ENKUR: variants seen among roughly 807,000 people sequenced by gnomAD.
ENKUR encodes the protein enkurin, TRPC channel interacting protein.
Under a neutral mutation model 27.6 loss-of-function variants are expected in ENKUR, and 19 were observed. The observed-to-expected ratio is 0.69, with a 90% confidence interval of 0.48 to 1.01. ENKUR has a LOEUF of 1.01. Among genes scored for constraint, ENKUR ranks in the 50% least tolerant of loss-of-function variants. The pLI, the probability that ENKUR is intolerant of heterozygous loss-of-function variation, is 0.00. For missense variants in ENKUR, 312 were observed against 310.5 expected (o/e 1.00, Z -0.04); for synonymous variants, 117 against 96.9 (o/e 1.21, Z -1.22).
At chr10:25,009,660 G>A (rs1850394627) in intron 1 of ENKUR, among the ~76,000 whole-genome samples, 1 of 152,248 alleles carries the variant, frequency 6.6e-6, no homozygotes, top group South Asian at 2.1e-4. Context: ...ATCTTGAATT[G>A]TAGCTCCCAT....
At chr10:25,030,604 T>C (rs1850923135) in intron 2 of ENKUR, among the ~76,000 whole-genome samples, 1 of 152,228 alleles carries the variant, frequency 6.6e-6, no homozygotes, top group Non-Finnish European at 1.5e-5. Flanking sequence ...GCAGTATTTA[T>C]TGGTACAAGT....
chr10:24,991,772 C>T (rs879354675), intron 3 of ENKUR, among the ~76,000 whole-genome samples: 1 of 152,218 alleles, frequency 6.6e-6, no homozygotes, highest in Admixed American at 6.5e-5. Flanking sequence ...CCTTTGGAAG[C>T]CCTCTGTCCT....
chr10:25,052,233 CA>C (rs1851194451), intron 2 of ENKUR, among the ~76,000 whole-genome samples: 1 of 152,002 alleles, frequency 6.6e-6, no homozygotes, highest in Non-Finnish European at 1.5e-5. Flanking sequence ...ACAAAGCAAA[CA>C]AAAATAAACC....
chr10:25,037,678 T>G (rs1851023099), intron 2 of ENKUR, among the ~76,000 whole-genome samples: 1 of 152,190 alleles, frequency 6.6e-6, no homozygotes, highest in African/African-American at 2.4e-5. Flanking sequence ...TCTTTCCTTT[T>G]GTCTTTCCTT....
intron 1 of ENKUR, among the ~76,000 whole-genome samples, chr10:25,012,618 TA>T (rs368736444): frequency 9.8e-5 from 15 of 152,380 alleles, no homozygotes; most frequent in African/African-American, 3.6e-4. Context: ...AAGGGGCCTA[TA>T]GCCCCTTTGT....
At chr10:24,990,747 TC>T in intron 3 of ENKUR, 138 bp from the exon 4 acceptor site, 1 of 858,588 alleles carries the variant, frequency 1.2e-6, no homozygotes, top group Non-Finnish European at 1.7e-6. Flanking sequence ...TTGACAAAAT[TC>T]AGTGACTTTT....
At chr10:24,984,416 G>A (rs1287793298) in intron 5 of ENKUR, 40 bp from the exon 6 acceptor site, 1 of 1,572,024 alleles carries the variant, frequency 6.4e-7, no homozygotes, top group African/African-American at 1.4e-5. Context: ...TCTGAGTGCT[G>A]ACTTTATTTT....
At chr10:25,020,084 A>G (rs1850686704), upstream of ENKUR, among the ~76,000 whole-genome samples, 1 of 152,194 alleles carries the variant, frequency 6.6e-6, no homozygotes, top group African/African-American at 2.4e-5. Context: ...AATAAAATTT[A>G]GTATGTAGCT....
At chr10:25,053,492 G>T (rs1851211510) in intron 2 of ENKUR, among the ~76,000 whole-genome samples, 1 of 152,052 alleles carries the variant, frequency 6.6e-6, no homozygotes, top group Non-Finnish European at 1.5e-5. Flanking sequence ...CTGCTCCTAG[G>T]AGTTCACTGT....
At chr10:25,029,114 A>G (rs1040389934) in intron 2 of ENKUR, among the ~76,000 whole-genome samples, 2 of 152,174 alleles carry the variant, frequency 1.3e-5, no homozygotes, top group East Asian at 1.9e-4. Context: ...CTTGTATCCA[A>G]TAGATATACT....
intron 4 of ENKUR, among the ~76,000 whole-genome samples, chr10:24,990,187 G>C (rs915945501): frequency 6.6e-6 from 1 of 152,092 alleles, no homozygotes; most frequent in Non-Finnish European, 1.5e-5. Context: ...ATGCATGTTC[G>C]TTGTAGAGGA....
chr10:24,994,866 C>T (rs1184735965), intron 3 of ENKUR, among the ~76,000 whole-genome samples: 1 of 151,536 alleles, frequency 6.6e-6, no homozygotes, highest in East Asian at 1.9e-4. Flanking sequence ...ACTAAATATA[C>T]AAAAAAATAA....
At chr10:25,039,403 T>C (rs1047082858) in intron 2 of ENKUR, among the ~76,000 whole-genome samples, 2 of 152,032 alleles carry the variant, frequency 1.3e-5, no homozygotes, top group African/African-American at 4.8e-5. Context: ...AACATGGCAG[T>C]ACCCCATCTC....
At chr10:24,987,309 C>G (rs1416069674) in intron 4 of ENKUR, among the ~76,000 whole-genome samples, 3 of 152,046 alleles carry the variant, frequency 2.0e-5, no homozygotes, top group Non-Finnish European at 4.4e-5. Context: ...CTTGTTGGTT[C>G]CCTTAACCCT....
intron 3 of ENKUR, among the ~76,000 whole-genome samples, chr10:24,992,418 C>T (rs2132679162): frequency 6.6e-6 from 1 of 152,294 alleles, no homozygotes; most frequent in African/African-American, 2.4e-5. Context: ...GACAAATATT[C>T]TGTTCTCCTT....
chr10:25,003,253 C>A (rs1850236458), intron 1 of ENKUR, among the ~76,000 whole-genome samples: 1 of 152,068 alleles, frequency 6.6e-6, no homozygotes, highest in East Asian at 1.9e-4. Flanking sequence ...GTTGCCCAGG[C>A]TGGAGTGCAG....
At chr10:24,988,702 A>ATGTATG (rs1454190454) in intron 4 of ENKUR, among the ~76,000 whole-genome samples, 1 of 41,192 alleles carries the variant, frequency 2.4e-5, no homozygotes, top group Admixed American at 3.1e-4. Context: ...ATATATATAT[A>ATGTATG]TATATATATA....
intron 2 of ENKUR, among the ~76,000 whole-genome samples, chr10:25,054,508 TCTTTC>T (rs780332724): frequency 6.8e-4 from 75 of 110,256 alleles, no homozygotes; most frequent in East Asian, 6.3e-3. Context: ...TTTCTTTCTT[TCTTTC>T]CTTTCTTTCT....
At chr10:25,016,235 TCTTTCTG>T, upstream of ENKUR, 2 of 1,057,230 alleles carry the variant, frequency 1.9e-6, no homozygotes, top group African/African-American at 3.3e-5. Context: ...CCCTCTTCCC[TCTTTCTG>T]CAGCGCCTTC....
Sources: gnomAD v4.1 joint callset for allele counts (sites outside exome capture counted in the v4.1 genomes callset) on GRCh38, gnomAD v4.1.1 for gene constraint, MANE v1.5 for transcripts, NCBI Gene and HGNC (gene_info 2026-07-23, HGNC 2026-07-21) for gene names.